Variants in ZFPM2 observed in about 807,000 individuals in gnomAD.
The protein encoded by ZFPM2 is zinc finger protein, FOG family member 2.
Under a neutral mutation model 98.6 loss-of-function variants are expected in ZFPM2, and 20 were observed. The ratio of observed to expected loss-of-function variants is 0.20; its 90% CI spans 0.14 to 0.29. The LOEUF is 0.29. Among genes scored for constraint, ZFPM2 ranks in the 10% least tolerant of loss-of-function variants. The probability of loss-of-function intolerance (pLI) is 1.00; values close to 1 mark genes in which losing one functional copy is unlikely to be tolerated. For synonymous variants in ZFPM2, 518 were observed against 502.7 expected, an observed-to-expected ratio of 1.03 and a Z score of -0.41; for missense variants, 1,310 against 1,388.6, an observed-to-expected ratio of 0.94 and a Z score of 0.90.
At chr8:105,450,296 T>C (rs1254294622) in intron 3 of ZFPM2, among the ~76,000 whole-genome samples, 4 of 152,136 alleles carry the variant, frequency 2.6e-5, no homozygotes, top group Non-Finnish European at 4.4e-5. Flanking sequence ...TACAGCTTTT[T>C]CCCCCTCTTT....
chr8:105,767,834 T>G (rs1368476379), intron 5 of ZFPM2, among the ~76,000 whole-genome samples: 2 of 152,020 alleles, frequency 1.3e-5, no homozygotes, highest in East Asian at 3.9e-4. Flanking sequence ...ATTTCCAAAA[T>G]CATTCAAGGG....
intron 2 of ZFPM2, among the ~76,000 whole-genome samples, chr8:105,439,201 C>T (rs577466481): frequency 6.6e-6 from 1 of 152,240 alleles, no homozygotes; most frequent in East Asian, 1.9e-4. Flanking sequence ...TATAAAATAA[C>T]TTCTCTAAGT....
intron 5 of ZFPM2, among the ~76,000 whole-genome samples, chr8:105,650,808 A>G (rs1286613422): frequency 2.0e-5 from 3 of 152,280 alleles, no homozygotes; most frequent in South Asian, 2.1e-4. Context: ...TATGTGGTCA[A>G]TTTTGGAATA....
intron 1 of ZFPM2, among the ~76,000 whole-genome samples, chr8:105,383,433 C>T (rs1342031003): frequency 6.6e-6 from 1 of 152,076 alleles, no homozygotes; most frequent in East Asian, 1.9e-4. Context: ...GGTCCAATGA[C>T]AAATAAATCT....
chr8:105,353,469 C>CAACCT (rs1247245325), intron 1 of ZFPM2, among the ~76,000 whole-genome samples: 1 of 152,186 alleles, frequency 6.6e-6, no homozygotes, highest in Non-Finnish European at 1.5e-5. Flanking sequence ...ATGTTTTAAA[C>CAACCT]AACCTATGCC....
intron 3 of ZFPM2, among the ~76,000 whole-genome samples, chr8:105,547,542 C>CAAAAAAA (rs148322534): frequency 1.6e-3 from 74 of 47,140 alleles, no homozygotes; most frequent in African/African-American, 2.2e-3. Context: ...AACTCCATCT[C>CAAAAAAA]AAAAAAAAAA....
chr8:105,344,824 T>G lies in ZFPM2; in HGVS notation c.40+25843T>G, dbSNP rs1812486975. Reference sequence around the variant, plus strand: ...TAATGGAGGAAGCTGAGGAGTTTTATTATGAATTCAATGATTTAGTTGAAG... The same window carrying G: ...TAATGGAGGAAGCTGAGGAGTTTTAGTATGAATTCAATGATTTAGTTGAAG... On this transcript the variant is annotated intron_variant, in intron 1 of 7. Coordinates refer to ENST00000407775, the MANE Select transcript of ZFPM2 (RefSeq NM_012082.4). Among the ~76,000 whole-genome samples the G allele has an allele frequency of 2.0e-5, 3 of 152,166 alleles. No individual in the cohort carries two copies. In the South Asian group the frequency reaches 6.2e-4, roughly 32 times the overall value.
chr8:105,547,987 T>G (rs1384474199), intron 3 of ZFPM2, among the ~76,000 whole-genome samples: 7 of 134,092 alleles, frequency 5.2e-5, no homozygotes, highest in East Asian at 2.0e-4. Context: ...GAAGTTTTGG[T>G]TTTTTTTTTA....
chr8:105,469,026 T>G (rs1430842638), intron 3 of ZFPM2, among the ~76,000 whole-genome samples: 3 of 152,092 alleles, frequency 2.0e-5, no homozygotes, highest in African/African-American at 7.2e-5. Context: ...AATTCTCACT[T>G]GTCCCATAGG....
chr8:105,378,220 G>T (rs934946029), intron 1 of ZFPM2, among the ~76,000 whole-genome samples: 3 of 152,212 alleles, frequency 2.0e-5, no homozygotes, highest in Non-Finnish European at 4.4e-5. Flanking sequence ...TTATGGTAAT[G>T]AATGTGAAGA....
chr8:105,734,400 C>T (rs1224821738), intron 5 of ZFPM2, among the ~76,000 whole-genome samples: 2 of 151,872 alleles, frequency 1.3e-5, no homozygotes, highest in East Asian at 1.9e-4. Flanking sequence ...CCAAGATACC[C>T]ACAGAAATAC....
intron 1 of ZFPM2, among the ~76,000 whole-genome samples, chr8:105,351,187 GAAAA>G (rs895161749): frequency 7.1e-6 from 1 of 141,818 alleles, no homozygotes; most frequent in Admixed American, 7.0e-5. Context: ...AAAAAAAAAA[GAAAA>G]AAAAGAAAAT....
chr8:105,389,149 G>T (rs1439706698), intron 1 of ZFPM2, among the ~76,000 whole-genome samples: 3 of 151,660 alleles, frequency 2.0e-5, no homozygotes, highest in African/African-American at 2.4e-5. Flanking sequence ...AAGCAATGAG[G>T]GAAGAGCAAA....
intron 3 of ZFPM2, among the ~76,000 whole-genome samples, chr8:105,467,693 G>A (rs1346374189): frequency 6.6e-6 from 1 of 151,988 alleles, no homozygotes; most frequent in African/African-American, 2.4e-5. Context: ...AAAAGTAGTA[G>A]GCTGAGTCTT....
intron 5 of ZFPM2, among the ~76,000 whole-genome samples, chr8:105,723,642 G>T (rs1187109924): frequency 6.6e-6 from 1 of 151,756 alleles, no homozygotes; most frequent in Admixed American, 6.6e-5. Context: ...CCTTCTTGTT[G>T]TACAGTCAAG....
chr8:105,519,890 A>G (rs569075597), intron 3 of ZFPM2, among the ~76,000 whole-genome samples: 3 of 152,052 alleles, frequency 2.0e-5, no homozygotes, highest in Admixed American at 6.6e-5. Context: ...TGCAATTACT[A>G]TAGTTATGTA....
rs201784746 is a variant in ZFPM2 at position 105,351,172 on chromosome 8, CA to C, written c.40+32205del. Among the ~76,000 whole-genome samples, 677 of 95,536 alleles carry C rather than the reference CA, an allele frequency of 7.1e-3. 2 individuals are homozygous for C. The highest frequency in any genetic ancestry group is 0.032 in the South Asian group (103 of 3,194). The allele number at this position is 95,536 out of a possible 152,430, so 62.7% of individuals were successfully genotyped here. ...CACTCCACAGAGTGAGACTCTGTCT[CA>C]AAAAAAAAAAAAAGAAAAAAAAGAA... is the stretch of plus-strand genomic sequence containing the variant. On this transcript the variant is annotated intron_variant, in intron 1 of 7. Coordinates refer to ENST00000407775, the MANE Select transcript of ZFPM2 (RefSeq NM_012082.4).
chr8:105,476,742 TG>T (rs571055928), intron 3 of ZFPM2, among the ~76,000 whole-genome samples: 69 of 152,174 alleles, frequency 4.5e-4, no homozygotes, highest in African/African-American at 1.3e-3. Context: ...CTTAACCTAT[TG>T]TTTTTTTTGC....
chr8:105,600,648 A>G (rs1816073033), intron 4 of ZFPM2, among the ~76,000 whole-genome samples: 1 of 151,900 alleles, frequency 6.6e-6, no homozygotes. Flanking sequence ...CTCATTTTTT[A>G]TTTTTTTAAA....
Sources: allele counts gnomAD v4.1 joint callset (sites outside exome capture counted in the v4.1 genomes callset), GRCh38; gene constraint gnomAD v4.1.1; transcripts MANE v1.5; gene names NCBI Gene and HGNC (gene_info 2026-07-23, HGNC 2026-07-21).